The following USP45 variants were observed in gnomAD, a reference collection of about 807,000 sequenced individuals.
USP45 encodes the protein ubiquitin specific peptidase 45, also known as ubiquitin carboxyl-terminal hydrolase 45.
USP45 carries 89 observed loss-of-function variants against 95.8 expected under a neutral mutation model. The observed-to-expected ratio is 0.93, with a 90% CI of 0.78 to 1.11. The LOEUF (loss-of-function observed/expected upper bound fraction) is 1.11. Among genes scored for constraint, USP45 ranks in the 50% least tolerant of loss-of-function variants. The pLI is 0.00. For synonymous variants in USP45, 281 were observed against 316.2 expected, an observed-to-expected ratio of 0.89 and a Z score of 1.18; for missense variants, 898 against 942.5, an observed-to-expected ratio of 0.95 and a Z score of 0.62.
chr6:99,442,435 C>T (rs1265045714), intron 15 of USP45, among the ~76,000 whole-genome samples: 5 of 152,172 alleles, frequency 3.3e-5, no homozygotes, highest in African/African-American at 9.7e-5. Context: ...AATCTCCTCT[C>T]GCACATCTGG....
chr6:99,454,537 C>T (rs558745923), intron 13 of USP45, among the ~76,000 whole-genome samples: 1 of 152,100 alleles, frequency 6.6e-6, no homozygotes, highest in African/African-American at 2.4e-5. Context: ...TATCTGCAAA[C>T]TCTTCATCCT....
intron 17 of USP45, among the ~76,000 whole-genome samples, chr6:99,436,785 C>T (rs2128520827): frequency 6.6e-6 from 1 of 152,140 alleles, no homozygotes; most frequent in South Asian, 2.1e-4. Flanking sequence ...TCTAGGCACT[C>T]CTAGAGGGAA....
chr6:99,493,975 A>C (rs751345089), intron 5 of USP45, among the ~76,000 whole-genome samples: 7 of 152,222 alleles, frequency 4.6e-5, no homozygotes, highest in Non-Finnish European at 8.8e-5. Context: ...ATGAACTTCA[A>C]GATGTTTTTA....
intron 13 of USP45, chr6:99,460,901 T>C: frequency 1.2e-5 from 12 of 975,236 alleles, no homozygotes; most frequent in Non-Finnish European, 1.5e-5. Flanking sequence ...GCATGAAAAG[T>C]AGAAACAGAA....
At chr6:99,515,021 A>T (rs767519120) in intron 1 of USP45, 1 of 152,324 alleles carries the variant, frequency 6.6e-6, no homozygotes, top group Non-Finnish European at 1.5e-5. Flanking sequence ...AAAAGTCATT[A>T]GACAGGCTTC....
chr6:99,503,866 C>A lies in USP45; in HGVS notation c.378-1G>T. 4 of 1,542,026 alleles carry A rather than the reference C, an allele frequency of 2.6e-6. No individual in the cohort carries two copies. The highest frequency in any genetic ancestry group is 2.3e-5 in the East Asian group (1 of 43,278). On this transcript the variant is annotated splice_acceptor_variant, in intron 4 of 17. Coordinates refer to ENST00000500704, the MANE Select transcript of USP45 (RefSeq NM_001346022.3). LOFTEE classifies it high-confidence loss of function. ...TAATTTTTCATCACATTCATAACAC[C>A]TGAAAAAGTATAAAATTTAAGAAAA...
chr6:99,505,390 G>A (rs1798285940), intron 4 of USP45, among the ~76,000 whole-genome samples: 1 of 152,110 alleles, frequency 6.6e-6, no homozygotes, highest in African/African-American at 2.4e-5. Flanking sequence ...TTATGGCCGG[G>A]TGTAGTGGCT....
intron 17 of USP45, 31 bp from the exon 18 acceptor site, chr6:99,435,877 A>T: frequency 1.3e-6 from 2 of 1,596,616 alleles, no homozygotes; most frequent in Non-Finnish European, 1.7e-6. Flanking sequence ...ACAATTTTAA[A>T]GTAAGTATGC....
At chr6:99,491,321 A>G (rs1795121489) in intron 5 of USP45, among the ~76,000 whole-genome samples, 1 of 152,224 alleles carries the variant, frequency 6.6e-6, no homozygotes, top group Non-Finnish European at 1.5e-5. Flanking sequence ...AGCACTACAC[A>G]AACAAGAGGA....
chr6:99,432,883 AATC>A lies in USP45; in HGVS notation c.*2830_*2832del, dbSNP rs1281228599. 4 of 152,690 alleles carry A rather than the reference AATC, an allele frequency of 2.6e-5. No individual in the cohort carries two copies. The highest frequency in any genetic ancestry group is 4.4e-5 in the Non-Finnish European group (3 of 68,042). 9.5% of individuals were successfully genotyped at this position (152,690 alleles called of 1,614,324 possible). ...GCTATTGCATAAAATCACTGATTAAAATCATCACACATGGAAGCTAAGAACTAT... is the reference window on the plus strand; with the variant it reads ...GCTATTGCATAAAATCACTGATTAAAATCACACATGGAAGCTAAGAACTAT... On this transcript the variant is annotated 3_prime_UTR_variant, in exon 18 of 18. Coordinates refer to ENST00000500704, the MANE Select transcript of USP45 (RefSeq NM_001346022.3).
chr6:99,481,728 C>A (rs1482917260), intron 8 of USP45, among the ~76,000 whole-genome samples: 3 of 152,112 alleles, frequency 2.0e-5, no homozygotes, highest in Admixed American at 6.5e-5. Flanking sequence ...TCCATGAGTA[C>A]CCAATGTTTA....
At position 99,446,270 on chromosome 6, in the gene USP45, A is replaced by T; in HGVS notation, c.1502T>A (p.Val501Asp). ...TTCTGAAGGCTCACTGTCAGCATCA[A>T]CATTGCTTTCAGAATGGCTGGCTTC... ...EKEASHSESN[V>D]DADSEPSESE... Residue 501 changes from valine to aspartate, a missense_variant, in exon 14 of 18, where the codon GTT becomes GAT. Coordinates refer to ENST00000500704, the MANE Select transcript of USP45 (RefSeq NM_001346022.3). The T allele has an allele frequency of 1.2e-6, 2 of 1,614,220 alleles. No homozygotes were observed. The highest frequency in any genetic ancestry group is 1.7e-6 in the Non-Finnish European group (2 of 1,180,030).
chr6:99,477,364 CACA>C (rs1791118386), intron 8 of USP45, among the ~76,000 whole-genome samples: 1 of 152,100 alleles, frequency 6.6e-6, no homozygotes, highest in African/African-American at 2.4e-5. Context: ...AGTGCAGTGG[CACA>C]ATCTCAGCTC....
chr6:99,461,962 T>C (rs1786551036), intron 13 of USP45: 8 of 985,390 alleles, frequency 8.1e-6, no homozygotes, highest in Admixed American at 6.1e-5. Flanking sequence ...AGTTGAACTA[T>C]TGGAAATAAC....
intron 7 of USP45, 77 bp from the exon 8 acceptor site, chr6:99,482,960 C>T (rs769196711): frequency 3.2e-6 from 4 of 1,261,678 alleles, no homozygotes; most frequent in Non-Finnish European, 4.1e-6. Flanking sequence ...GAGTTACACT[C>T]TGCTTAAATA....
At chr6:99,453,318 T>C (rs1784325631) in intron 13 of USP45, among the ~76,000 whole-genome samples, 2 of 152,064 alleles carry the variant, frequency 1.3e-5, no homozygotes, top group African/African-American at 4.8e-5. Flanking sequence ...AGTAAAGTTG[T>C]TGAATGCAAA....
Position 99,437,332 on chromosome 6 carries a change from C to T in USP45, c.2228G>A (p.Arg743Lys). 6.2e-7 allele frequency: 1 copy of T among 1,613,790 alleles called. No individual in the cohort carries two copies. Among genetic ancestry groups the T allele is most frequent in the East Asian group, 2.2e-5 (1 of 44,852 alleles). Residue 743 changes from arginine (R) to lysine (K), a missense_variant, in exon 17 of 18, where the codon AGA (arginine) becomes AAA (lysine). Physicochemically the swap from Arg to Lys is conservative, Grantham distance 26. Transcript: ENST00000500704. ...YGIVEHSGSM[R>K]EGHYTAYVKV... ...CACATAAGCAGTGTAGTGGCCTTCT[C>T]TCATCGAGCCACTATGTTCCACTAT...
intron 15 of USP45, among the ~76,000 whole-genome samples, chr6:99,440,693 CT>C (rs949963431): frequency 6.6e-6 from 1 of 150,776 alleles, no homozygotes; most frequent in African/African-American, 2.4e-5. Context: ...ACAAAAAACC[CT>C]TTTTTTTTGC....
Position 99,439,496 on chromosome 6 carries a change from A to G in USP45, c.2160+273T>C, listed in dbSNP as rs192518767. Among the ~76,000 whole-genome samples, 263 of 152,310 alleles carry G rather than the reference A, an allele frequency of 1.7e-3. 1 individual carries two copies. Among genetic ancestry groups the G allele is most frequent in the African/African-American group, 6.1e-3 (253 of 41,566 alleles). ...GACACAAAACCTCCTTCTCTCAGCA[A>G]CCATCAGCTTCCAGTAGCACTTACA... On this transcript the variant is annotated intron_variant, in intron 16 of 17. Coordinates refer to ENST00000500704, the MANE Select transcript of USP45 (RefSeq NM_001346022.3).
Sources: gnomAD v4.1 joint callset for allele counts (sites outside exome capture counted in the v4.1 genomes callset) on GRCh38, gnomAD v4.1.1 for gene constraint, MANE v1.5 for transcripts, NCBI Gene and HGNC (gene_info 2026-07-23, HGNC 2026-07-21) for gene names.